Variants in SBF2 observed in about 807,000 individuals in gnomAD.
SBF2 encodes myotubularin-related protein 13.
Under a neutral mutation model 225.2 loss-of-function variants are expected in SBF2, and 112 were observed. The ratio of observed to expected loss-of-function variants is 0.50; its 90% confidence interval spans 0.43 to 0.58. The LOEUF (loss-of-function observed/expected upper bound fraction) is 0.58. SBF2 is among the 20% of genes least tolerant of loss of function. The probability of loss-of-function intolerance (pLI) is 0.00; values close to 1 mark genes in which losing one functional copy is unlikely to be tolerated. For synonymous variants in SBF2, 763 were observed against 773.3 expected, an observed-to-expected ratio of 0.99 and a Z score of 0.22; for missense variants, 1,996 against 2,206.2, an observed-to-expected ratio of 0.90 and a Z score of 1.91.
intron 17 of SBF2, among the ~76,000 whole-genome samples, chr11:9,888,554 T>C (rs1184473406): frequency 1.3e-5 from 2 of 151,714 alleles, no homozygotes; most frequent in East Asian, 3.9e-4. Flanking sequence ...TAAATAATAC[T>C]ATGTAACGAT....
At chr11:10,049,078 A>C (rs1949972712) in intron 2 of SBF2, among the ~76,000 whole-genome samples, 1 of 152,196 alleles carries the variant, frequency 6.6e-6, no homozygotes, top group Non-Finnish European at 1.5e-5. Context: ...TTCTTCATAT[A>C]CTTCAACCAA....
chr11:9,896,073 G>T, intron 16 of SBF2, 62 bp from the exon 17 acceptor site: 1 of 1,260,498 alleles, frequency 7.9e-7, no homozygotes, highest in Non-Finnish European at 1.2e-6. Flanking sequence ...AAATACATGC[G>T]AACTAACATC....
rs568428226 is a variant in SBF2 at position 9,942,569 on chromosome 11, G to T, written c.1860+19388C>A. On this transcript the variant is annotated intron_variant, in intron 16 of 39. Transcript: ENST00000256190. ...GAATACAGAAGACATTTCTTAGGAAGATACAGCATGGGGGCTTGCCCTGGT... is the reference window on the plus strand; with the variant it reads ...GAATACAGAAGACATTTCTTAGGAATATACAGCATGGGGGCTTGCCCTGGT... Among the ~76,000 whole-genome samples the T allele has an allele frequency of 4.6e-5, 7 of 152,282 alleles. No individual in the cohort carries two copies. In the East Asian group the frequency reaches 1.3e-3, roughly 29 times the overall value.
At chr11:9,787,571 T>C in intron 36 of SBF2, 63 bp downstream of exon 36, 1 of 1,395,728 alleles carries the variant, frequency 7.2e-7, no homozygotes, top group Non-Finnish European at 1.0e-6. Flanking sequence ...GGCAGCAGGC[T>C]CCACCTGACT....
intron 16 of SBF2, among the ~76,000 whole-genome samples, chr11:9,909,467 C>T (rs536057382): frequency 5.7e-4 from 87 of 151,954 alleles, no homozygotes; most frequent in Non-Finnish European, 1.1e-3. Context: ...GTCAGGAGAT[C>T]GAGACCATCC....
In SBF2 at chr11:10,213,662, G is replaced by A. The variant is rs544932599; in HGVS notation, c.56-19675C>T. Among the ~76,000 whole-genome samples, 70 of 152,266 alleles carry A rather than the reference G, an allele frequency of 4.6e-4. No individual in the cohort carries two copies. In the South Asian group the frequency reaches 6.0e-3, roughly 13 times the overall value. The stretch of plus-strand genomic sequence containing the variant: ...GCTATTGGTCTAGAGGCCAAAAGGT[G>A]GTGGGAATGGGAATAAAAACAGCTA... On this transcript the variant is annotated intron_variant, in intron 1 of 39. Coordinates refer to ENST00000256190, the MANE Select transcript of SBF2 (RefSeq NM_030962.4).
chr11:10,014,187 AT>A (rs1948558716), intron 6 of SBF2, among the ~76,000 whole-genome samples: 1 of 152,144 alleles, frequency 6.6e-6, no homozygotes, highest in African/African-American at 2.4e-5. Flanking sequence ...GTGTTAGATC[AT>A]TTCTACTGGG....
chr11:9,840,743 T>G (rs1212217596), intron 25 of SBF2, among the ~76,000 whole-genome samples: 3 of 152,234 alleles, frequency 2.0e-5, no homozygotes, highest in African/African-American at 7.2e-5. Flanking sequence ...AATAACTTTA[T>G]TTCCTCAGAG....
chr11:9,828,126 C>T, intron 28 of SBF2: 5 of 1,287,338 alleles, frequency 3.9e-6, no homozygotes, highest in Non-Finnish European at 4.1e-6. Flanking sequence ...TCTTACTAAC[C>T]TCCTTGAGCA....
chr11:10,126,926 G>A (rs1331978076), intron 2 of SBF2, among the ~76,000 whole-genome samples: 1 of 152,050 alleles, frequency 6.6e-6, no homozygotes, highest in African/African-American at 2.4e-5. Context: ...AGTGAAATAA[G>A]TAAGACACAA....
chr11:9,835,600 C>T lies in SBF2; in HGVS notation c.3456-3180G>A, dbSNP rs561532659. Among the ~76,000 whole-genome samples the T allele has an allele frequency of 3.8e-3, 445 of 117,176 alleles. 3 individuals are homozygous for T. Among genetic ancestry groups the T allele is most frequent in the South Asian group, 6.3e-3 (24 of 3,796 alleles). 76.9% of individuals were successfully genotyped at this position (117,176 alleles called of 152,430 possible). ...TGAGTTGGAATCACATCACTGCACT[C>T]CAGCCTGGGAGACAGAGCAAGACCT... On this transcript the variant is annotated intron_variant, in intron 26 of 39. Transcript: ENST00000256190.
At chr11:10,293,379 T>C (rs1418293782) in intron 1 of SBF2, among the ~76,000 whole-genome samples, 2 of 152,206 alleles carry the variant, frequency 1.3e-5, no homozygotes, top group Non-Finnish European at 1.5e-5. Flanking sequence ...TGGCTGTCCT[T>C]AGTTAAAAGA....
At chr11:9,988,919 A>C (rs1049295454) in intron 13 of SBF2, among the ~76,000 whole-genome samples, 1 of 152,316 alleles carries the variant, frequency 6.6e-6, no homozygotes, top group East Asian at 1.9e-4. Context: ...CCAGAGGAAA[A>C]GAAGTCATTC....
At chr11:10,024,482 G>C (rs1012709907) in intron 6 of SBF2, among the ~76,000 whole-genome samples, 1 of 152,012 alleles carries the variant, frequency 6.6e-6, no homozygotes, top group South Asian at 2.1e-4. Flanking sequence ...CCCACTTCTC[G>C]CCAAGGTTGA....
intron 38 of SBF2, among the ~76,000 whole-genome samples, chr11:9,782,690 G>C (rs1187815758): frequency 6.6e-6 from 1 of 152,008 alleles, no homozygotes; most frequent in East Asian, 1.9e-4. Context: ...GACCAATATG[G>C]TGAAACCCCG....
At chr11:9,896,532 C>T (rs1208362143) in intron 16 of SBF2, among the ~76,000 whole-genome samples, 1 of 152,112 alleles carries the variant, frequency 6.6e-6, no homozygotes, top group East Asian at 1.9e-4. Context: ...TGGCTCATGC[C>T]TGTAATCCCA....
chr11:10,074,209 T>C lies in SBF2; in HGVS notation c.142-31228A>G, dbSNP rs114782996. Among the ~76,000 whole-genome samples, 483 of 152,322 alleles carry C rather than the reference T, an allele frequency of 3.2e-3. 1 individual carries two copies. The highest frequency in any genetic ancestry group is 0.01 in the African/African-American group (426 of 41,570). On this transcript the variant is annotated intron_variant, in intron 2 of 39. Transcript: ENST00000256190. ...TGTATGATGAGTACATGGGAGTTCA[T>C]TGTTCTCTATTTTTATCTTTTAATT...
chr11:10,206,542 G>A (rs1393278067), intron 1 of SBF2, among the ~76,000 whole-genome samples: 1 of 151,978 alleles, frequency 6.6e-6, no homozygotes, highest in Non-Finnish European at 1.5e-5. Context: ...ACATGAATCA[G>A]ATGGAAGAAT....
intron 1 of SBF2, among the ~76,000 whole-genome samples, chr11:10,258,781 A>T (rs1053150326): frequency 5.9e-5 from 9 of 152,014 alleles, no homozygotes; most frequent in Non-Finnish European, 1.0e-4. Flanking sequence ...TGCCTCAAAA[A>T]GATTAGTTGG....
Sources: allele counts gnomAD v4.1 joint callset (sites outside exome capture counted in the v4.1 genomes callset), GRCh38; gene constraint gnomAD v4.1.1; transcripts MANE v1.5; gene names NCBI Gene and HGNC (gene_info 2026-07-23, HGNC 2026-07-21).